Variants in MYO3B observed in about 807,000 individuals in gnomAD.
MYO3B encodes the protein myosin IIIB, also known as myosin-IIIb.
In MYO3B, 156 loss-of-function variants were observed where a neutral mutation model predicts 174.6. The observed-to-expected ratio is 0.89, with a 90% CI of 0.78 to 1.02. MYO3B has a LOEUF of 1.02. MYO3B is among the 50% of genes least tolerant of loss of function. MYO3B has a pLI of 0.00. For missense variants in MYO3B, 1,632 were observed against 1,639.4 expected (o/e 1.00, Z 0.08); for synonymous variants, 563 against 569.1 (o/e 0.99, Z 0.15).
intron 5 of MYO3B, among the ~76,000 whole-genome samples, chr2:170,215,890 TAC>T (rs1442262434): frequency 3.3e-5 from 5 of 152,218 alleles, no homozygotes; most frequent in African/African-American, 9.6e-5. Flanking sequence ...TGGGAATTGA[TAC>T]TGATGTATTC....
chr2:170,401,788 T>C, intron 18 of MYO3B, 97 bp downstream of exon 18: 1 of 1,039,560 alleles, frequency 9.6e-7, no homozygotes. Context: ...CTCTCTGGGA[T>C]TTTCTTTCTT....
rs147587386 is a variant in MYO3B at position 170,615,791 on chromosome 2, C to T, written c.3734-35837C>T. On this transcript the variant is annotated intron_variant, in intron 32 of 34. Coordinates refer to ENST00000408978, the MANE Select transcript of MYO3B (RefSeq NM_138995.5). ...TGGGTCCAGGGGGTTCACTGCCTTC[C>T]GGTCCCATGGTGCCAACAATGCACT... 5.6e-3 allele frequency among the ~76,000 whole-genome samples: 853 copies of T among 152,210 alleles called. 4 individuals are homozygous for T. The highest frequency in any genetic ancestry group is 8.7e-3 in the Non-Finnish European group (589 of 68,020).
intron 32 of MYO3B, among the ~76,000 whole-genome samples, chr2:170,586,272 G>A (rs4668285): frequency 0.32 from 49,341 of 151,968 alleles, 9,532 homozygotes; most frequent in African/African-American, 0.53. Context: ...GGTTGCCTTA[G>A]CCCTGTGACC....
chr2:170,181,552 T>A (rs1045227562), intron 1 of MYO3B, among the ~76,000 whole-genome samples: 16 of 152,176 alleles, frequency 1.1e-4, no homozygotes, highest in African/African-American at 3.9e-4. Context: ...AAGTGTGGTG[T>A]TAACTTCAGG....
At position 170,463,392 on chromosome 2, in the gene MYO3B, C is replaced by G; in HGVS notation, c.2755C>G (p.His919Asp). The G allele has an allele frequency of 6.2e-7, 1 of 1,613,970 alleles. No individual in the cohort carries two copies. Reference sequence around the variant, plus strand: ...GGTGGACACTCTGGAGGTGATACGGCATCCGGAAGAAACCACCAACATGAA... The same window carrying G: ...GGTGGACACTCTGGAGGTGATACGGGATCCGGAAGAAACCACCAACATGAA... The part of the protein sequence containing the change: ...AKVDTLEVIR[H>D]PEETTNMKRQ... The change falls in exon 24 of 35, where the codon CAT (histidine) becomes GAT (aspartate). Residue 919 changes from histidine to aspartate, a missense_variant. Transcript: ENST00000408978.
At chr2:170,271,597 C>T (rs1038355991) in intron 7 of MYO3B, among the ~76,000 whole-genome samples, 10 of 152,282 alleles carry the variant, frequency 6.6e-5, no homozygotes, top group African/African-American at 2.4e-4. Flanking sequence ...TAGAGTACAA[C>T]GTGGCCTAAT....
rs180896256 is a variant in MYO3B, at chr2:170,186,659, C to T, written c.2+8370C>T. 6.6e-3 allele frequency among the ~76,000 whole-genome samples: 1,003 copies of T among 152,246 alleles called. 9 individuals are homozygous for T. Among genetic ancestry groups the T allele is most frequent in the Non-Finnish European group, 0.01 (706 of 68,008 alleles). On this transcript the variant is annotated intron_variant, in intron 1 of 34. Coordinates refer to ENST00000408978, the MANE Select transcript of MYO3B (RefSeq NM_138995.5). ...CATAAAATGAGTTTGAAAGTATTCC[C>T]TCCTCCTCTATTTTTCAGAATAGCT...
chr2:170,443,944 G>T (rs1288089407), intron 22 of MYO3B, 23 bp from the exon 23 acceptor site: 10 of 1,590,078 alleles, frequency 6.3e-6, no homozygotes, highest in Non-Finnish European at 8.6e-6. Context: ...TTTAATTTAT[G>T]TTCTTTGTGG....
At chr2:170,329,132 A>G (rs1425678212) in intron 7 of MYO3B, among the ~76,000 whole-genome samples, 1 of 148,726 alleles carries the variant, frequency 6.7e-6, no homozygotes, top group East Asian at 1.9e-4. Flanking sequence ...ATCCTGGGCG[A>G]CTGAGTGAGA....
chr2:170,285,156 A>G (rs2093545338), intron 7 of MYO3B, among the ~76,000 whole-genome samples: 1 of 152,186 alleles, frequency 6.6e-6, no homozygotes, highest in African/African-American at 2.4e-5. Context: ...TTACAATACA[A>G]ATAATACTCT....
chr2:170,594,833 A>G (rs879297694), intron 32 of MYO3B, among the ~76,000 whole-genome samples: 3,827 of 127,046 alleles, frequency 0.03, 71 homozygotes, highest in Middle Eastern at 0.054. Context: ...GCGCGCACAC[A>G]CACACACACA....
intron 7 of MYO3B, among the ~76,000 whole-genome samples, chr2:170,247,410 A>G (rs1242853714): frequency 1.3e-5 from 2 of 152,166 alleles, no homozygotes; most frequent in African/African-American, 4.8e-5. Flanking sequence ...TAAAACCTGC[A>G]CAGAGGGCAG....
intron 29 of MYO3B, among the ~76,000 whole-genome samples, chr2:170,516,192 C>G (rs1401169000): frequency 6.6e-6 from 1 of 152,118 alleles, no homozygotes; most frequent in East Asian, 1.9e-4. Context: ...CATCACAAAT[C>G]CCACGATTCC....
intron 32 of MYO3B, among the ~76,000 whole-genome samples, chr2:170,639,637 C>T (rs981401485): frequency 6.6e-6 from 1 of 152,160 alleles, no homozygotes; most frequent in African/African-American, 2.4e-5. Flanking sequence ...TGATTCTAAA[C>T]GTTTGCCTTT....
At position 170,369,331 on chromosome 2, in the gene MYO3B, A is replaced by G. The variant is rs4668246; in HGVS notation, c.925A>G (p.Lys309Glu). 623,298 of 1,612,666 alleles carry G rather than the reference A, an allele frequency of 0.39. 124,973 individuals carry two copies. Among genetic ancestry groups the G allele is most frequent in the East Asian group, 0.46 (20,432 of 44,838 alleles). The change falls in exon 9 of 35, where the codon AAG becomes GAG. Residue 309 changes from lysine to glutamate, a missense_variant. Coordinates refer to ENST00000408978, the MANE Select transcript of MYO3B (RefSeq NM_138995.5). ...KVLFLQKQLA[K>E]VLQDQKHQNP... ...TCTGTTTCTGCAAAAACAGCTGGCC[A>G]AGGTTCTCCAAGACCAGAAGCATCA...
intron 7 of MYO3B, among the ~76,000 whole-genome samples, chr2:170,282,340 G>C (rs1016149087): frequency 6.6e-6 from 1 of 152,084 alleles, no homozygotes. Context: ...AATTTTCCCA[G>C]CACCACTTAT....
At chr2:170,549,968 C>A (rs927022712) in intron 32 of MYO3B, among the ~76,000 whole-genome samples, 6 of 152,114 alleles carry the variant, frequency 3.9e-5, no homozygotes, top group African/African-American at 1.2e-4. Flanking sequence ...TCTCAAAGGC[C>A]GCATAATCTC....
chr2:170,358,807 T>C (rs184970727), intron 8 of MYO3B, among the ~76,000 whole-genome samples: 17 of 152,306 alleles, frequency 1.1e-4, no homozygotes, highest in African/African-American at 4.1e-4. Flanking sequence ...GCAAATTCCC[T>C]CTATATTACT....
At chr2:170,344,703 G>T (rs542964264) in intron 8 of MYO3B, 1 of 152,258 alleles carries the variant, frequency 6.6e-6, no homozygotes, top group South Asian at 2.1e-4. Flanking sequence ...AGAGAATTAA[G>T]TGAGATACAG....
Sources: gnomAD v4.1 joint callset for allele counts (sites outside exome capture counted in the v4.1 genomes callset) on GRCh38, gnomAD v4.1.1 for gene constraint, MANE v1.5 for transcripts, NCBI Gene and HGNC (gene_info 2026-07-23, HGNC 2026-07-21) for gene names.